The following KCNIP1 variants were observed in gnomAD, a reference collection of about 807,000 sequenced individuals.
KCNIP1 encodes potassium voltage-gated channel interacting protein 1.
In KCNIP1, 18 loss-of-function variants were observed where a neutral mutation model predicts 33.0. That is an observed-to-expected ratio of 0.55 (90% CI 0.38 to 0.81). The LOEUF (loss-of-function observed/expected upper bound fraction) is 0.81. Among genes scored for constraint, KCNIP1 ranks in the 30% least tolerant of loss-of-function variants. KCNIP1 has a pLI of 0.00. For synonymous variants in KCNIP1, 93 were observed against 98.3 expected (o/e 0.95, Z 0.32); for missense variants, 238 against 271.6 (o/e 0.88, Z 0.87).
chr5:170,380,160 C>G (rs1281301525), intron 1 of KCNIP1, among the ~76,000 whole-genome samples: 1 of 152,184 alleles, frequency 6.6e-6, no homozygotes, highest in East Asian at 1.9e-4. Context: ...TAGGAACTTT[C>G]TGCCCTGTTC....
At chr5:170,365,555 G>A (rs551044473) in intron 1 of KCNIP1, among the ~76,000 whole-genome samples, 2 of 152,346 alleles carry the variant, frequency 1.3e-5, no homozygotes, top group South Asian at 4.1e-4. Flanking sequence ...ATGGTTTCCA[G>A]TGTGCTCTGC....
chr5:170,399,383 C>T (rs1754837946), intron 1 of KCNIP1, among the ~76,000 whole-genome samples: 1 of 152,204 alleles, frequency 6.6e-6, no homozygotes, highest in African/African-American at 2.4e-5. Flanking sequence ...TATGGAGTCA[C>T]TCTAGTCGCA....
chr5:170,665,899 C>G (rs762343239), intron 1 of KCNIP1, among the ~76,000 whole-genome samples: 12 of 152,168 alleles, frequency 7.9e-5, no homozygotes, highest in Non-Finnish European at 1.5e-5. Flanking sequence ...GGTAAAGTAC[C>G]ATTCACATCA....
At chr5:170,683,935 T>A (rs1762453181) in intron 1 of KCNIP1, among the ~76,000 whole-genome samples, 1 of 149,262 alleles carries the variant, frequency 6.7e-6, no homozygotes, top group Non-Finnish European at 1.5e-5. Flanking sequence ...TGTGTGTGTG[T>A]TAGTAGAGAC....
intron 1 of KCNIP1, among the ~76,000 whole-genome samples, chr5:170,459,006 G>A (rs1756450862): frequency 2.0e-5 from 3 of 152,124 alleles, no homozygotes; most frequent in South Asian, 2.1e-4. Context: ...TAAGGTAAAG[G>A]GGTGGAAAAG....
exon 1 of KCNIP1, chr5:170,353,670 G>A: frequency 1.7e-6 from 1 of 600,876 alleles, no homozygotes; most frequent in Non-Finnish European, 3.0e-6. Flanking sequence ...GTGGAGAGAG[G>A]GAGGGAGAGT....
chr5:170,549,696 T>C (rs1311027273), intron 1 of KCNIP1, among the ~76,000 whole-genome samples: 2 of 152,234 alleles, frequency 1.3e-5, no homozygotes, highest in African/African-American at 4.8e-5. Context: ...ATTATATGCT[T>C]GAAACTTCTC....
At chr5:170,566,241 G>A (rs1757201448) in intron 1 of KCNIP1, among the ~76,000 whole-genome samples, 2 of 151,868 alleles carry the variant, frequency 1.3e-5, no homozygotes, top group African/African-American at 2.4e-5. Flanking sequence ...TTGGTTTTTT[G>A]TCTGTTTGGT....
chr5:170,549,003 T>C (rs1159069227), intron 1 of KCNIP1, among the ~76,000 whole-genome samples: 1 of 152,142 alleles, frequency 6.6e-6, no homozygotes, highest in African/African-American at 2.4e-5. Context: ...AGTAGTACAC[T>C]AGGGACCTCA....
intron 1 of KCNIP1, among the ~76,000 whole-genome samples, chr5:170,672,400 C>T (rs930759662): frequency 6.6e-6 from 1 of 152,250 alleles, no homozygotes; most frequent in Non-Finnish European, 1.5e-5. Context: ...AGGACTTCCT[C>T]CCCTGGAGAA....
intron 1 of KCNIP1, among the ~76,000 whole-genome samples, chr5:170,597,429 T>C (rs898569768): frequency 2.0e-5 from 3 of 152,146 alleles, no homozygotes; most frequent in Non-Finnish European, 4.4e-5. Context: ...TCCCTTTATC[T>C]GTGCTTGCAA....
At chr5:170,629,536 G>A (rs906696293) in intron 1 of KCNIP1, among the ~76,000 whole-genome samples, 7 of 152,298 alleles carry the variant, frequency 4.6e-5, no homozygotes, top group African/African-American at 1.4e-4. Flanking sequence ...GGGATGCCTG[G>A]GTCCCCCACC....
intron 1 of KCNIP1, among the ~76,000 whole-genome samples, chr5:170,465,313 C>T (rs896833525): frequency 1.3e-5 from 2 of 152,198 alleles, no homozygotes; most frequent in Non-Finnish European, 2.9e-5. Context: ...CAGCCTGCCC[C>T]TTATCAGAGG....
intron 1 of KCNIP1, among the ~76,000 whole-genome samples, chr5:170,361,723 T>C (rs970057699): frequency 7.2e-5 from 11 of 152,202 alleles, no homozygotes; most frequent in African/African-American, 2.4e-5. Flanking sequence ...TGGGGACTCT[T>C]CCTGGCTTAC....
intron 1 of KCNIP1, among the ~76,000 whole-genome samples, chr5:170,367,404 AGAAAGAAAGAAAGAAAG>A (rs1451738919): frequency 0.014 from 1,681 of 122,228 alleles, 85 homozygotes; most frequent in African/African-American, 0.03. Context: ...AAAGAAAGAA[AGAAAGAAAGAAAGAAAG>A]GAAAGAAAGA....
At chr5:170,591,956 T>C (rs1371878032) in intron 1 of KCNIP1, among the ~76,000 whole-genome samples, 1 of 152,224 alleles carries the variant, frequency 6.6e-6, no homozygotes, top group Non-Finnish European at 1.5e-5. Flanking sequence ...CTTTTGGATA[T>C]GTATCCAGAA....
chr5:170,375,242 A>G (rs1376773335), intron 1 of KCNIP1: 3 of 152,246 alleles, frequency 2.0e-5, no homozygotes, highest in Admixed American at 6.5e-5. Context: ...CTATAGTACA[A>G]TATTACAATT....
chr5:170,449,257 T>C (rs1045703582), intron 1 of KCNIP1, among the ~76,000 whole-genome samples: 2 of 152,366 alleles, frequency 1.3e-5, no homozygotes, highest in Admixed American at 6.5e-5. Flanking sequence ...GACTCAAAGA[T>C]AGCAACTTGC....
chr5:170,448,386 C>A (rs2113062541), intron 1 of KCNIP1, among the ~76,000 whole-genome samples: 1 of 152,378 alleles, frequency 6.6e-6, no homozygotes, highest in African/African-American at 2.4e-5. Context: ...CTTACGCCCA[C>A]ATCCCAGATC....
Sources: allele counts gnomAD v4.1 joint callset (sites outside exome capture counted in the v4.1 genomes callset), GRCh38; gene constraint gnomAD v4.1.1; transcripts MANE v1.5; gene names NCBI Gene and HGNC (gene_info 2026-07-23, HGNC 2026-07-21).